LRRC4C: variants seen among roughly 807,000 people sequenced by gnomAD.
LRRC4C encodes leucine rich repeat containing 4C.
In LRRC4C, 5 loss-of-function variants were observed where a neutral mutation model predicts 33.6. That is an observed-to-expected ratio of 0.15 (90% CI 0.08 to 0.31). The LOEUF (loss-of-function observed/expected upper bound fraction) is 0.31. LRRC4C is among the 10% of genes least tolerant of loss of function. LRRC4C has a pLI of 1.00. For synonymous variants in LRRC4C, 329 were observed against 302.0 expected (o/e 1.09, Z -0.93); for missense variants, 560 against 796.7 (o/e 0.70, Z 3.58).
chr11:41,432,755 A>T (rs1955284781), intron 1 of LRRC4C, among the ~76,000 whole-genome samples: 1 of 152,114 alleles, frequency 6.6e-6, no homozygotes, highest in Non-Finnish European at 1.5e-5. Context: ...ATTTTCCTTC[A>T]TTAAAATCAA....
chr11:40,456,815 G>A (rs567685031), intron 3 of LRRC4C, among the ~76,000 whole-genome samples: 2 of 144,376 alleles, frequency 1.4e-5, no homozygotes, highest in South Asian at 4.4e-4. Context: ...ACAAAAAGAA[G>A]GAAGAAAAGG....
intron 3 of LRRC4C, among the ~76,000 whole-genome samples, chr11:40,628,464 C>A (rs141779785): frequency 6.6e-6 from 1 of 150,812 alleles, no homozygotes; most frequent in East Asian, 1.9e-4. Flanking sequence ...GGCGACAGAG[C>A]GAGACTCCAT....
chr11:41,137,451 T>C (rs1422690835), intron 1 of LRRC4C, among the ~76,000 whole-genome samples: 2 of 152,216 alleles, frequency 1.3e-5, no homozygotes, highest in Non-Finnish European at 1.5e-5. Context: ...GATCATCATT[T>C]CTATGAATAG....
At chr11:40,124,342 A>T (rs558209488) in intron 6 of LRRC4C, among the ~76,000 whole-genome samples, 34 of 152,302 alleles carry the variant, frequency 2.2e-4, no homozygotes, top group African/African-American at 7.9e-4. Context: ...ATATGGAAGA[A>T]ATATCTGCAC....
At chr11:41,387,161 T>C (rs1233188581) in intron 1 of LRRC4C, among the ~76,000 whole-genome samples, 5 of 151,590 alleles carry the variant, frequency 3.3e-5, no homozygotes, top group Non-Finnish European at 1.5e-5. Flanking sequence ...TTTTCTCCTG[T>C]AGATAACTAG....
intron 2 of LRRC4C, among the ~76,000 whole-genome samples, chr11:40,838,897 C>A (rs983557647): frequency 8.6e-5 from 13 of 151,718 alleles, no homozygotes; most frequent in Non-Finnish European, 7.4e-5. Flanking sequence ...ACAATTGTTT[C>A]CTTGATAATC....
intron 2 of LRRC4C, among the ~76,000 whole-genome samples, chr11:40,660,003 G>C (rs1306754827): frequency 6.6e-6 from 1 of 152,148 alleles, no homozygotes; most frequent in Non-Finnish European, 1.5e-5. Context: ...AGATCTAGGG[G>C]CTCCCTGAGC....
At chr11:40,536,706 A>G (rs1290230860) in intron 3 of LRRC4C, among the ~76,000 whole-genome samples, 1 of 151,436 alleles carries the variant, frequency 6.6e-6, no homozygotes, top group African/African-American at 2.4e-5. Context: ...TTTTTTTTTC[A>G]AATCTCTACA....
At chr11:40,586,395 T>A (rs985451428) in intron 3 of LRRC4C, among the ~76,000 whole-genome samples, 1 of 147,560 alleles carries the variant, frequency 6.8e-6, no homozygotes. Flanking sequence ...GATGAGTAGG[T>A]TGTGAAAATT....
At chr11:41,137,616 T>C (rs1384250883) in intron 1 of LRRC4C, among the ~76,000 whole-genome samples, 1 of 152,148 alleles carries the variant, frequency 6.6e-6, no homozygotes, top group Non-Finnish European at 1.5e-5. Context: ...GTAGACACTT[T>C]GAGATTTAAA....
chr11:41,385,684 A>G (rs1026366749), intron 1 of LRRC4C, among the ~76,000 whole-genome samples: 1 of 151,610 alleles, frequency 6.6e-6, no homozygotes, highest in Non-Finnish European at 1.5e-5. Context: ...AAAAATCTAA[A>G]AATTAGGAGG....
intron 3 of LRRC4C, among the ~76,000 whole-genome samples, chr11:40,586,321 G>A (rs1370040199): frequency 6.7e-6 from 1 of 150,176 alleles, no homozygotes; most frequent in Non-Finnish European, 1.5e-5. Context: ...TGATGGGGTT[G>A]TTTGTTTTTT....
intron 1 of LRRC4C, among the ~76,000 whole-genome samples, chr11:41,009,140 T>C (rs1018971335): frequency 6.6e-6 from 1 of 152,090 alleles, no homozygotes; most frequent in Admixed American, 6.6e-5. Context: ...GAAAGCTAAA[T>C]AGCTTCTTTG....
At chr11:40,531,728 ATG>A (rs1476003970) in intron 3 of LRRC4C, among the ~76,000 whole-genome samples, 1 of 151,948 alleles carries the variant, frequency 6.6e-6, no homozygotes, top group Non-Finnish European at 1.5e-5. Context: ...AGATGAAACA[ATG>A]AGAGAGGAGG....
At chr11:40,539,320 G>T (rs1223785206) in intron 3 of LRRC4C, among the ~76,000 whole-genome samples, 1 of 152,064 alleles carries the variant, frequency 6.6e-6, no homozygotes, top group Non-Finnish European at 1.5e-5. Flanking sequence ...TCTATGCTCA[G>T]TAGTACCTAT....
intron 5 of LRRC4C, among the ~76,000 whole-genome samples, chr11:40,224,963 AAAAG>A (rs1402082592): frequency 2.0e-5 from 3 of 152,158 alleles, no homozygotes; most frequent in African/African-American, 7.2e-5. Context: ...TTCTTAAAAT[AAAAG>A]AGTTACTACA....
intron 1 of LRRC4C, among the ~76,000 whole-genome samples, chr11:41,427,780 G>T (rs1034852372): frequency 2.0e-5 from 3 of 152,042 alleles, no homozygotes; most frequent in African/African-American, 4.8e-5. Context: ...AATTTAAATG[G>T]CCTGTTCCTG....
intron 1 of LRRC4C, among the ~76,000 whole-genome samples, chr11:41,421,324 C>A (rs549180434): frequency 1.1e-4 from 17 of 152,150 alleles, no homozygotes; most frequent in African/African-American, 3.6e-4. Flanking sequence ...TGGACTACTA[C>A]ACTTCCATCT....
chr11:40,809,659 C>T (rs1425091494), intron 2 of LRRC4C, among the ~76,000 whole-genome samples: 2 of 152,174 alleles, frequency 1.3e-5, no homozygotes, highest in African/African-American at 4.8e-5. Flanking sequence ...ATTGAAACTT[C>T]AGCACCTAGA....
Sources: gnomAD v4.1 joint callset for allele counts (sites outside exome capture counted in the v4.1 genomes callset) on GRCh38, gnomAD v4.1.1 for gene constraint, MANE v1.5 for transcripts, NCBI Gene and HGNC (gene_info 2026-07-23, HGNC 2026-07-21) for gene names.